SEMA6A: variants seen among roughly 807,000 people sequenced by gnomAD.
SEMA6A encodes the protein semaphorin 6A, also known as semaphorin-6A.
Under a neutral mutation model 96.8 loss-of-function variants are expected in SEMA6A, and 25 were observed. That is an observed-to-expected ratio of 0.26 (90% CI 0.19 to 0.36). The LOEUF (loss-of-function observed/expected upper bound fraction) is 0.36. SEMA6A is among the 10% of genes least tolerant of loss of function. The probability of loss-of-function intolerance (pLI) is 1.00; values close to 1 mark genes in which losing one functional copy is unlikely to be tolerated. For synonymous variants in SEMA6A, 612 were observed against 518.0 expected (o/e 1.18, Z -2.46); for missense variants, 1,363 against 1,323.1 (o/e 1.03, Z -0.47).
intron 1 of SEMA6A, among the ~76,000 whole-genome samples, chr5:116,511,088 G>A (rs1333158141): frequency 6.6e-6 from 1 of 152,178 alleles, no homozygotes; most frequent in Admixed American, 6.5e-5. Flanking sequence ...CAGTATCTGT[G>A]AGGGATTGGT....
intron 6 of SEMA6A, 22 bp downstream of exon 6, chr5:116,495,391 C>T (rs763963804): frequency 4.5e-6 from 7 of 1,566,934 alleles, no homozygotes; most frequent in Non-Finnish European, 6.1e-6. Flanking sequence ...CAGTGTGGTT[C>T]CAACCGACAA....
At chr5:116,571,119 T>C (rs1048933415) in intron 1 of SEMA6A, among the ~76,000 whole-genome samples, 1 of 152,218 alleles carries the variant, frequency 6.6e-6, no homozygotes, top group African/African-American at 2.4e-5. Context: ...ATATTTTTTT[T>C]TTCACTGTAG....
Position 116,491,943 on chromosome 5 carries a change from G to A in SEMA6A, c.445-113C>T, listed in dbSNP as rs1459679670. The A allele has an allele frequency of 3.7e-6, 3 of 816,274 alleles. No individual in the cohort carries two copies. In the Admixed American group the frequency reaches 6.4e-5, roughly 17 times the overall value. 50.6% of individuals were successfully genotyped at this position (816,274 alleles called of 1,614,324 possible). A position where few individuals can be genotyped will look rare whatever the true frequency, so the allele number is the denominator to read the frequency against. Reference sequence around the variant, plus strand: ...CTTTTGTAATCTGTAATCACTTTGAGATGGACCCTGTTGAAGCCACTTTTA... The same window carrying A: ...CTTTTGTAATCTGTAATCACTTTGAAATGGACCCTGTTGAAGCCACTTTTA... On this transcript the variant is annotated intron_variant, in intron 6 of 18. Coordinates refer to ENST00000343348, the MANE Select transcript of SEMA6A (RefSeq NM_020796.5).
At chr5:116,499,557 A>T (rs191848042) in intron 3 of SEMA6A, among the ~76,000 whole-genome samples, 1 of 152,328 alleles carries the variant, frequency 6.6e-6, no homozygotes, top group African/African-American at 2.4e-5. Flanking sequence ...AATAAAGTGT[A>T]AAATTAAAAG....
chr5:116,519,656 G>C (rs1413430198), intron 1 of SEMA6A, among the ~76,000 whole-genome samples: 2 of 140,850 alleles, frequency 1.4e-5, no homozygotes, highest in Middle Eastern at 3.3e-3. Context: ...CTATAACGAT[G>C]CTGTGTGTAC....
intron 1 of SEMA6A, among the ~76,000 whole-genome samples, chr5:116,521,280 G>C (rs905603764): frequency 6.6e-6 from 1 of 152,164 alleles, no homozygotes; most frequent in Non-Finnish European, 1.5e-5. Flanking sequence ...TGTTACTAAG[G>C]CTCGATTGCC....
chr5:116,469,964 T>C (rs1290781774), intron 17 of SEMA6A, among the ~76,000 whole-genome samples: 1 of 152,224 alleles, frequency 6.6e-6, no homozygotes, highest in East Asian at 1.9e-4. Context: ...ATTTTCTATA[T>C]GTAAATCTAG....
At chr5:116,505,464 C>A (rs556136100) in intron 1 of SEMA6A, among the ~76,000 whole-genome samples, 1 of 150,572 alleles carries the variant, frequency 6.6e-6, no homozygotes, top group Admixed American at 6.6e-5. Flanking sequence ...CACGCGCACA[C>A]ACACACACAC....
At chr5:116,492,354 T>A (rs1457566767) in intron 6 of SEMA6A, 1 of 150,856 alleles carries the variant, frequency 6.6e-6, no homozygotes, top group Non-Finnish European at 1.5e-5. Flanking sequence ...CAAGAAGTAG[T>A]GAAGTACAAA....
intron 2 of SEMA6A, among the ~76,000 whole-genome samples, chr5:116,503,422 G>A (rs891422134): frequency 6.6e-6 from 1 of 152,050 alleles, no homozygotes; most frequent in Non-Finnish European, 1.5e-5. Flanking sequence ...ATTCATCAAG[G>A]AGATTGCTAA....
chr5:116,448,876 G>A (rs1416019043), intron 18 of SEMA6A, among the ~76,000 whole-genome samples: 1 of 151,964 alleles, frequency 6.6e-6, no homozygotes, highest in Non-Finnish European at 1.5e-5. Context: ...TTGGGGCCCT[G>A]TAGTGGGTTT....
chr5:116,543,884 G>C (rs558811459), intron 1 of SEMA6A, among the ~76,000 whole-genome samples: 1 of 152,312 alleles, frequency 6.6e-6, no homozygotes, highest in African/African-American at 2.4e-5. Flanking sequence ...AGTAGACTTT[G>C]CAGGCTCTCT....
rs765693849 is a variant in SEMA6A at position 116,446,829 on chromosome 5, C to T, written c.2877G>A (p.Pro959=). 1.2e-6 allele frequency: 2 copies of T among 1,613,818 alleles called. No homozygotes were observed. The highest frequency in any genetic ancestry group is 1.7e-5 in the Admixed American group (1 of 60,008). The change falls in exon 19 of 19, where the codon CCG becomes CCA. Residue 959 remains proline, a synonymous_variant. Coordinates refer to ENST00000343348, the MANE Select transcript of SEMA6A (RefSeq NM_020796.5). ...RNQSFGRGDN[P]PPAPQRVDSI... is the part of the protein sequence containing the mutation. The stretch of plus-strand genomic sequence containing the variant: ...AGTCCACCCTCTGCGGGGCGGGCGG[C>T]GGGTTGTCTCCCCTGCCAAAGCTCT...
At chr5:116,538,301 A>G (rs1341951616) in intron 1 of SEMA6A, among the ~76,000 whole-genome samples, 2 of 152,180 alleles carry the variant, frequency 1.3e-5, no homozygotes, top group African/African-American at 4.8e-5. Flanking sequence ...TTTTTTTGCA[A>G]TGATAGGTAT....
chr5:116,491,821 A>G lies in SEMA6A; in HGVS notation c.454T>C (p.Leu152=), dbSNP rs781630476. The stretch of plus-strand genomic sequence containing the variant: ...CTGAATTCATCCCCGAATGGTTCCA[A>G]TGTATCCATCTAAATGAAATAATCA... The part of the protein sequence containing the change: ...PSCRNYKMDT[L]EPFGDEFSGM... The change falls in exon 7 of 19, where the codon TTG becomes CTG. Residue 152 remains leucine, a synonymous_variant. Transcript: ENST00000343348. 1.5e-5 allele frequency: 24 copies of G among 1,611,664 alleles called. No homozygotes were observed. The highest frequency in any genetic ancestry group is 4.0e-5 in the African/African-American group (3 of 74,798).
chr5:116,543,219 A>C (rs1210626856), intron 1 of SEMA6A, among the ~76,000 whole-genome samples: 1 of 152,128 alleles, frequency 6.6e-6, no homozygotes, highest in Non-Finnish European at 1.5e-5. Flanking sequence ...AATTTTACTT[A>C]ATGTTTTTGG....
At chr5:116,502,643 TC>T (rs1177425707) in intron 2 of SEMA6A, 1 of 249,290 alleles carries the variant, frequency 4.0e-6, no homozygotes, top group Admixed American at 5.2e-5. Flanking sequence ...GGTGCTCTTT[TC>T]TTCCACAGTT....
chr5:116,501,602 A>G (rs1009283968), intron 3 of SEMA6A, among the ~76,000 whole-genome samples: 33 of 152,360 alleles, frequency 2.2e-4, no homozygotes, highest in African/African-American at 6.3e-4. Flanking sequence ...ACAAATAAGT[A>G]TTAGGCCAGA....
intron 18 of SEMA6A, among the ~76,000 whole-genome samples, chr5:116,461,488 TAAAAA>T (rs10577042): frequency 0.6 from 91,349 of 151,150 alleles, 28,263 homozygotes; most frequent in Non-Finnish European, 0.68. Context: ...AGCTTAGGCT[TAAAAA>T]AAATAAAAGC....
Sources: gnomAD v4.1 joint callset for allele counts (sites outside exome capture counted in the v4.1 genomes callset) on GRCh38, gnomAD v4.1.1 for gene constraint, MANE v1.5 for transcripts, NCBI Gene and HGNC (gene_info 2026-07-23, HGNC 2026-07-21) for gene names.